Variants in CLSTN2 observed in about 807,000 individuals in gnomAD.
CLSTN2 encodes the protein calsyntenin-2.
A neutral mutation model predicts 101.2 loss-of-function variants in CLSTN2; 48 were observed. The observed-to-expected ratio is 0.47, with a 90% CI of 0.38 to 0.60. The LOEUF (loss-of-function observed/expected upper bound fraction) is 0.60. Among genes scored for constraint, CLSTN2 ranks in the 20% least tolerant of loss-of-function variants. CLSTN2 has a pLI of 0.00. For synonymous variants in CLSTN2, 481 were observed against 463.6 expected, an observed-to-expected ratio of 1.04 and a Z score of -0.48; for missense variants, 1,160 against 1,238.2, an observed-to-expected ratio of 0.94 and a Z score of 0.95.
chr3:140,514,306 A>G (rs368134014), intron 8 of CLSTN2, among the ~76,000 whole-genome samples: 3 of 152,092 alleles, frequency 2.0e-5, no homozygotes, highest in Non-Finnish European at 2.9e-5. Flanking sequence ...CCATTGTGTC[A>G]TTCTTATGCC....
intron 1 of CLSTN2, among the ~76,000 whole-genome samples, chr3:140,086,466 G>T (rs936025765): frequency 6.6e-6 from 1 of 152,184 alleles, no homozygotes; most frequent in Non-Finnish European, 1.5e-5. Flanking sequence ...TAGGGCTTTT[G>T]TATGGATTGA....
At chr3:140,362,944 T>C (rs1020017863) in intron 2 of CLSTN2, among the ~76,000 whole-genome samples, 1 of 152,134 alleles carries the variant, frequency 6.6e-6, no homozygotes, top group African/African-American at 2.4e-5. Flanking sequence ...ACGTTAAATA[T>C]AAACTTATCA....
At chr3:140,269,331 G>A (rs531834492) in intron 2 of CLSTN2, among the ~76,000 whole-genome samples, 26 of 152,222 alleles carry the variant, frequency 1.7e-4, no homozygotes, top group African/African-American at 5.8e-4. Context: ...CAAATGAACC[G>A]AGCTGAACAT....
At position 140,333,714 on chromosome 3, in the gene CLSTN2, G is replaced by GTA. The variant is rs1491230160; in HGVS notation, c.233-69913_233-69912dup. On this transcript the variant is annotated intron_variant, in intron 2 of 16. Coordinates refer to ENST00000458420, the MANE Select transcript of CLSTN2 (RefSeq NM_022131.3). ...TGTGTGTGTGTGTGTGTGTGTGTGT[G>GTA]TATCTGAATTAATTTAAAATTATTG... Among the ~76,000 whole-genome samples, 4 of 145,138 alleles carry GTA rather than the reference G, an allele frequency of 2.8e-5. No homozygotes were observed. In the East Asian group the frequency reaches 7.8e-4, roughly 28 times the overall value.
intron 1 of CLSTN2, among the ~76,000 whole-genome samples, chr3:140,007,850 G>C (rs1446510712): frequency 6.6e-6 from 1 of 152,206 alleles, no homozygotes; most frequent in African/African-American, 2.4e-5. Context: ...TCCGGTGGTG[G>C]AGGAGAGATG....
intron 8 of CLSTN2, among the ~76,000 whole-genome samples, chr3:140,498,530 A>C (rs2107761104): frequency 6.6e-6 from 1 of 152,348 alleles, no homozygotes; most frequent in Non-Finnish European, 1.5e-5. Context: ...TGATACATCC[A>C]GTTTCCCTTC....
intron 8 of CLSTN2, among the ~76,000 whole-genome samples, chr3:140,513,649 T>C (rs953600056): frequency 7.1e-6 from 1 of 140,174 alleles, no homozygotes; most frequent in African/African-American, 2.7e-5. Flanking sequence ...GCCAGCCTCA[T>C]AAAATGAGTT....
At chr3:140,278,671 T>C (rs1221996548) in intron 2 of CLSTN2, among the ~76,000 whole-genome samples, 1 of 152,224 alleles carries the variant, frequency 6.6e-6, no homozygotes, top group Non-Finnish European at 1.5e-5. Context: ...TAAAGCAAGC[T>C]TGTGCAACTC....
At chr3:140,126,737 A>G (rs2009439872) in intron 1 of CLSTN2, among the ~76,000 whole-genome samples, 1 of 152,048 alleles carries the variant, frequency 6.6e-6, no homozygotes, top group African/African-American at 2.4e-5. Flanking sequence ...TTTCAGCTTT[A>G]TTCTTTCAAG....
At chr3:139,986,117 G>C (rs1936016609) in intron 1 of CLSTN2, among the ~76,000 whole-genome samples, 1 of 152,140 alleles carries the variant, frequency 6.6e-6, no homozygotes, top group Admixed American at 6.5e-5. Flanking sequence ...GGCAGATTGG[G>C]CATGTTTTCA....
intron 2 of CLSTN2, among the ~76,000 whole-genome samples, chr3:140,371,350 A>G: frequency 7.1e-6 from 1 of 141,530 alleles, no homozygotes; most frequent in Non-Finnish European, 1.6e-5. Context: ...GGGAAAACCT[A>G]TTCACTGGAA....
At chr3:139,969,841 C>A (rs1454863518) in intron 1 of CLSTN2, among the ~76,000 whole-genome samples, 1 of 152,150 alleles carries the variant, frequency 6.6e-6, no homozygotes, top group East Asian at 1.9e-4. Flanking sequence ...AAACCCTGTA[C>A]CCCTTTGGAC....
intron 1 of CLSTN2, among the ~76,000 whole-genome samples, chr3:140,013,966 G>C (rs913782854): frequency 6.6e-6 from 1 of 152,182 alleles, no homozygotes; most frequent in Non-Finnish European, 1.5e-5. Flanking sequence ...AACTATGTAA[G>C]TCATCCCTTG....
At chr3:139,951,890 AT>A (rs1935301662) in intron 1 of CLSTN2, among the ~76,000 whole-genome samples, 2 of 152,076 alleles carry the variant, frequency 1.3e-5, no homozygotes, top group Non-Finnish European at 2.9e-5. Context: ...TTGGATAAAA[AT>A]TATTCCTTAA....
intron 8 of CLSTN2, among the ~76,000 whole-genome samples, chr3:140,496,893 G>C (rs1396476668): frequency 1.3e-5 from 2 of 152,084 alleles, no homozygotes; most frequent in Non-Finnish European, 2.9e-5. Context: ...ACCAGGTCAG[G>C]AGTTCGAGAC....
chr3:140,165,960 G>A (rs1173526866), intron 1 of CLSTN2, among the ~76,000 whole-genome samples: 2 of 152,112 alleles, frequency 1.3e-5, no homozygotes, highest in East Asian at 3.9e-4. Flanking sequence ...AAGTGAGCAG[G>A]GGATGGGCTG....
intron 2 of CLSTN2, among the ~76,000 whole-genome samples, chr3:140,211,255 T>C (rs2010851461): frequency 6.6e-6 from 1 of 151,702 alleles, no homozygotes; most frequent in Non-Finnish European, 1.5e-5. Context: ...TCAGATTGTA[T>C]AATTTTAAAG....
chr3:140,535,571 C>T (rs1935342273), intron 9 of CLSTN2, among the ~76,000 whole-genome samples: 1 of 152,188 alleles, frequency 6.6e-6, no homozygotes, highest in Non-Finnish European at 1.5e-5. Context: ...ACTGATCTCC[C>T]TTAGAGTTAG....
At chr3:140,461,620 T>C (rs1933564895) in intron 7 of CLSTN2, among the ~76,000 whole-genome samples, 1 of 152,182 alleles carries the variant, frequency 6.6e-6, no homozygotes, top group African/African-American at 2.4e-5. Flanking sequence ...AGGCCCAAGC[T>C]ATTGCACCAG....
Sources: gnomAD v4.1 joint callset for allele counts (sites outside exome capture counted in the v4.1 genomes callset) on GRCh38, gnomAD v4.1.1 for gene constraint, MANE v1.5 for transcripts, NCBI Gene and HGNC (gene_info 2026-07-23, HGNC 2026-07-21) for gene names.